The following UGT1A4 variants were observed in gnomAD, a reference collection of about 807,000 sequenced individuals.
UGT1A4 encodes the protein UDP-glucuronosyltransferase 1A4.
Under a neutral mutation model 41.1 loss-of-function variants are expected in UGT1A4, and 32 were observed. The ratio of observed to expected loss-of-function variants is 0.78; its 90% CI spans 0.59 to 1.05. The LOEUF is 1.05. Among genes scored for constraint, UGT1A4 ranks in the 50% least tolerant of loss-of-function variants. The probability of loss-of-function intolerance (pLI) is 0.00; values close to 1 mark genes in which losing one functional copy is unlikely to be tolerated. For synonymous variants in UGT1A4, 283 were observed against 265.1 expected, an observed-to-expected ratio of 1.07 and a Z score of -0.66; for missense variants, 748 against 677.4, an observed-to-expected ratio of 1.10 and a Z score of -1.16.
chr2:233,767,558 C>G (rs1283373150), intron 2 of UGT1A4, among the ~76,000 whole-genome samples: 3 of 152,208 alleles, frequency 2.0e-5, no homozygotes, highest in African/African-American at 7.2e-5. Context: ...TCTGCATCCA[C>G]TTGTTTCATT....
intron 1 of UGT1A4, chr2:233,743,951 A>T: frequency 7.4e-7 from 1 of 1,344,342 alleles, no homozygotes; most frequent in Non-Finnish European, 9.9e-7. Flanking sequence ...AGGCACTGGC[A>T]CAGCGAGCGG....
intron 1 of UGT1A4, among the ~76,000 whole-genome samples, chr2:233,761,639 G>A (rs1340532947): frequency 3.9e-5 from 6 of 152,230 alleles, no homozygotes; most frequent in Non-Finnish European, 5.9e-5. Context: ...CCTGCAGTCC[G>A]TTCTCTTCTA....
At position 233,773,283 on chromosome 2, in the gene UGT1A4, A is replaced by G. The variant is rs1700573632; in HGVS notation, c.*724A>G. 6.6e-6 allele frequency: 1 copy of G among 152,180 alleles called. No homozygotes were observed. The highest frequency in any genetic ancestry group is 1.5e-5 in the Non-Finnish European group (1 of 68,034). 9.4% of individuals were successfully genotyped at this position (152,180 alleles called of 1,614,324 possible). Reference sequence around the variant, plus strand: ...TTCCTACAACTAAAAATAAATTAATAAATTTATATAAATTCTATTTAAGTG... The same window carrying G: ...TTCCTACAACTAAAAATAAATTAATGAATTTATATAAATTCTATTTAAGTG... On this transcript the variant is annotated 3_prime_UTR_variant, in exon 5 of 5. Coordinates refer to ENST00000373409, the MANE Select transcript of UGT1A4 (RefSeq NM_007120.3).
chr2:233,746,471 A>T (rs538596800), intron 1 of UGT1A4, among the ~76,000 whole-genome samples: 1 of 151,696 alleles, frequency 6.6e-6, no homozygotes, highest in Non-Finnish European at 1.5e-5. Flanking sequence ...GGGTTCCAGA[A>T]ACACTTTCCA....
Position 233,734,706 on chromosome 2 carries a change from A to G in UGT1A4, c.867+15019A>G, listed in dbSNP as rs368011286. 3.0e-4 allele frequency among the ~76,000 whole-genome samples: 45 copies of G among 151,692 alleles called. No individual in the cohort carries two copies. In the South Asian group the frequency reaches 8.6e-3, roughly 29 times the overall value. Reference sequence around the variant, plus strand: ...TTAAATGTGTCCCAGAGATTCTGGTATGTTGTGTCTTTGTTCTCGTCGGTT... The same window carrying G: ...TTAAATGTGTCCCAGAGATTCTGGTGTGTTGTGTCTTTGTTCTCGTCGGTT... On this transcript the variant is annotated intron_variant, in intron 1 of 4. Coordinates refer to ENST00000373409, the MANE Select transcript of UGT1A4 (RefSeq NM_007120.3).
intron 1 of UGT1A4, among the ~76,000 whole-genome samples, chr2:233,727,321 C>T (rs1225284066): frequency 6.6e-6 from 1 of 152,152 alleles, no homozygotes; most frequent in African/African-American, 2.4e-5. Flanking sequence ...TTCCCAGGCA[C>T]CAGGAGCTCC....
At chr2:233,766,761 T>G (rs1575822555) in intron 1 of UGT1A4, among the ~76,000 whole-genome samples, 1 of 152,230 alleles carries the variant, frequency 6.6e-6, no homozygotes, top group African/African-American at 2.4e-5. Context: ...TGTGTGTGCA[T>G]GTACCTGTGC....
At position 233,768,268 on chromosome 2, in the gene UGT1A4, T is replaced by A; in HGVS notation, c.1136T>A (p.Val379Asp). The change falls in exon 4 of 5, where the codon GTT becomes GAT. Residue 379 changes from valine to aspartate, a missense_variant. By Grantham distance (152) the Val-to-Asp change is radical. Coordinates refer to ENST00000373409, the MANE Select transcript of UGT1A4 (RefSeq NM_007120.3). ...AFITHAGSHG[V>D]YESICNGVPM... Reference sequence around the variant, plus strand: ...ATCACCCATGCTGGTTCCCATGGTGTTTATGAAAGCATATGCAATGGCGTT... The same window carrying A: ...ATCACCCATGCTGGTTCCCATGGTGATTATGAAAGCATATGCAATGGCGTT... 1 of 1,614,178 alleles carries A rather than the reference T, an allele frequency of 6.2e-7. No homozygotes were observed. The highest frequency in any genetic ancestry group is 8.5e-7 in the Non-Finnish European group (1 of 1,180,024).
Position 233,747,246 on chromosome 2 carries a change from G to C in UGT1A4, c.868-19788G>C, listed in dbSNP as rs1208197105. On this transcript the variant is annotated intron_variant, in intron 1 of 4. Coordinates refer to ENST00000373409, the MANE Select transcript of UGT1A4 (RefSeq NM_007120.3). ...CAGGACCCCAGGTTCCCCTGCTGTG[G>C]CTGGCCACAGGAGTGCTACTCCTTC... The C allele has an allele frequency of 3.7e-6, 6 of 1,601,870 alleles. No individual in the cohort carries two copies. The African/African-American group carries it at 5.4e-5, about 14-fold the overall frequency.
intron 1 of UGT1A4, chr2:233,721,605 A>G: frequency 5.6e-6 from 1 of 177,388 alleles, no homozygotes; most frequent in Non-Finnish European, 1.2e-5. Context: ...AGGTTTAGGA[A>G]CAATTTGTTC....
downstream of UGT1A4, chr2:233,773,300 AT>A (rs1228991632): frequency 6.6e-6 from 1 of 152,190 alleles, no homozygotes; most frequent in Non-Finnish European, 1.5e-5. Context: ...TATAAATTCT[AT>A]TTAAGTGTTT....
Position 233,769,399 on chromosome 2 carries a change from ATGTGCGTGTGCGTT to A in UGT1A4, c.1307+966_1307+979del. On this transcript the variant is annotated intron_variant, in intron 4 of 4. Coordinates refer to ENST00000373409, the MANE Select transcript of UGT1A4 (RefSeq NM_007120.3). This position sits in a 1 kb window ranked among gnomAD's most constrained non-coding sequence, Gnocchi z 4.4. ...ATCCGACAATAGATACTGTGTGCATATGTGCGTGTGCGTTTGTGCATGTGGCTGTGCTCATGTGT... is the reference window on the plus strand; with the variant it reads ...ATCCGACAATAGATACTGTGTGCATATGTGCATGTGGCTGTGCTCATGTGT... 1 of 1,170,288 alleles carries A rather than the reference ATGTGCGTGTGCGTT, an allele frequency of 8.5e-7. No homozygotes were observed. Among genetic ancestry groups the A allele is most frequent in the Non-Finnish European group, 1.2e-6 (1 of 810,196 alleles). 72.5% of individuals were successfully genotyped at this position (1,170,288 alleles called of 1,614,324 possible).
intron 1 of UGT1A4, chr2:233,754,616 C>G (rs899223660): frequency 6.8e-6 from 3 of 438,446 alleles, no homozygotes; most frequent in African/African-American, 6.2e-5. Flanking sequence ...CTCCATCTTC[C>G]TCCACTTCCA....
At chr2:233,749,984 G>T (rs1236503942) in intron 1 of UGT1A4, among the ~76,000 whole-genome samples, 1 of 151,836 alleles carries the variant, frequency 6.6e-6, no homozygotes, top group African/African-American at 2.4e-5. Flanking sequence ...TGTGAGAATG[G>T]ACTAATATAT....
intron 1 of UGT1A4, chr2:233,729,360 A>G (rs17868336): frequency 0.038 from 60,794 of 1,614,118 alleles, 1,450 homozygotes; most frequent in Non-Finnish European, 0.047. Flanking sequence ...TCACCCTGAC[A>G]ACCTATGCCA....
At chr2:233,725,264 G>GGCAGAGGCAGAGGCAGAGGCAGAGGCA (rs1216362118) in intron 1 of UGT1A4, among the ~76,000 whole-genome samples, 1 of 58,548 alleles carries the variant, frequency 1.7e-5, no homozygotes, top group African/African-American at 1.3e-4. Flanking sequence ...CAGAGGCAGA[G>GGCAGAGGCAGAGGCAGAGGCAGAGGCA]GAGGCAGAGG....
In UGT1A4 at chr2:233,769,240, G is replaced by A. The variant is rs1056982803; in HGVS notation, c.1307+801G>A. The stretch of plus-strand genomic sequence containing the variant: ...TTAGAATAAGAGCAAAGGAAAATTT[G>A]CTCAAATGTGGCCCTGAAAACGATT... On this transcript the variant is annotated intron_variant, in intron 4 of 4. Transcript: ENST00000373409. This position sits in a 1 kb window ranked among gnomAD's most constrained non-coding sequence, Gnocchi z 4.4. 6.6e-6 allele frequency among the ~76,000 whole-genome samples: 1 copy of A among 152,196 alleles called. No individual in the cohort carries two copies. The highest frequency in any genetic ancestry group is 6.5e-5 in the Admixed American group (1 of 15,280).
chr2:233,767,710 G>A, intron 2 of UGT1A4, 139 bp from the exon 3 acceptor site: 1 of 1,527,870 alleles, frequency 6.5e-7, no homozygotes, highest in Non-Finnish European at 8.8e-7. Context: ...GTCCTCAGAA[G>A]CCTTCACAGT....
Position 233,718,938 on chromosome 2 carries a change from C to T in UGT1A4, c.118C>T (p.Pro40Ser). 6.2e-7 allele frequency: 1 copy of T among 1,614,130 alleles called. No individual in the cohort carries two copies. The highest frequency in any genetic ancestry group is 8.5e-7 in the Non-Finnish European group (1 of 1,180,002). ...KVLVVPTDGS[P>S]WLSMREALRE... Reference sequence around the variant, plus strand: ...GTTGGTGGTGCCCACTGATGGCAGCCCCTGGCTCAGCATGCGGGAGGCCTT... The same window carrying T: ...GTTGGTGGTGCCCACTGATGGCAGCTCCTGGCTCAGCATGCGGGAGGCCTT... Residue 40 changes from proline to serine, a missense_variant, in exon 1 of 5, where the codon CCC becomes TCC. By Grantham distance (74) the Pro-to-Ser change is moderately conservative. Coordinates refer to ENST00000373409, the MANE Select transcript of UGT1A4 (RefSeq NM_007120.3).
Sources: allele counts gnomAD v4.1 joint callset (sites outside exome capture counted in the v4.1 genomes callset), GRCh38; gene constraint gnomAD v4.1.1; non-coding constraint Gnocchi (gnomAD v3.1); transcripts MANE v1.5; gene names NCBI Gene and HGNC (gene_info 2026-07-23, HGNC 2026-07-21).